NRXN1: variants seen among roughly 807,000 people sequenced by gnomAD.
NRXN1 encodes the protein neurexin 1, also known as neurexin-1.
NRXN1 carries 39 observed loss-of-function variants against 150.9 expected under a neutral mutation model. The ratio of observed to expected loss-of-function variants is 0.26; its 90% confidence interval spans 0.20 to 0.34. The LOEUF (loss-of-function observed/expected upper bound fraction) is 0.34, where lower values mean the gene tolerates loss of function less well. Among genes scored for constraint, NRXN1 ranks in the 10% least tolerant of loss-of-function variants. The probability of loss-of-function intolerance (pLI) is 1.00; values close to 1 mark genes in which losing one functional copy is unlikely to be tolerated. For missense variants in NRXN1, 1,815 were observed against 1,949.9 expected (o/e 0.93, Z 1.30); for synonymous variants, 924 against 757.0 (o/e 1.22, Z -3.62).
intron 17 of NRXN1, among the ~76,000 whole-genome samples, chr2:50,404,017 C>G (rs551800038): frequency 1.3e-5 from 2 of 152,152 alleles, no homozygotes; most frequent in East Asian, 1.9e-4. Context: ...TAAAATAAAC[C>G]AAACTTGGAA....
intron 7 of NRXN1, among the ~76,000 whole-genome samples, chr2:50,620,417 G>T (rs1349073248): frequency 6.6e-6 from 1 of 152,044 alleles, no homozygotes; most frequent in Non-Finnish European, 1.5e-5. Flanking sequence ...ATCTAAACTA[G>T]TTAGAGAGTT....
intron 19 of NRXN1, among the ~76,000 whole-genome samples, chr2:50,064,261 G>C (rs1695006240): frequency 6.6e-6 from 1 of 151,698 alleles, no homozygotes; most frequent in African/African-American, 2.4e-5. Flanking sequence ...AAATGACTCA[G>C]TAACTCTGCT....
intron 5 of NRXN1, among the ~76,000 whole-genome samples, chr2:50,677,198 A>G (rs1459753833): frequency 6.6e-6 from 1 of 152,094 alleles, no homozygotes; most frequent in Non-Finnish European, 1.5e-5. Context: ...AAACACGGAG[A>G]GCAGCCAATT....
At chr2:50,746,904 C>G (rs1299104092) in intron 5 of NRXN1, among the ~76,000 whole-genome samples, 1 of 152,004 alleles carries the variant, frequency 6.6e-6, no homozygotes, top group Non-Finnish European at 1.5e-5. Flanking sequence ...GGGTTGGAAG[C>G]AAATTTTTTT....
At chr2:50,699,444 G>A (rs1186501474) in intron 5 of NRXN1, among the ~76,000 whole-genome samples, 2 of 152,122 alleles carry the variant, frequency 1.3e-5, no homozygotes. Flanking sequence ...CAAAGCAGGA[G>A]CTTTGTTTGG....
chr2:49,992,404 A>AAAACAAAC (rs3046624), intron 21 of NRXN1, among the ~76,000 whole-genome samples: 59,881 of 148,190 alleles, frequency 0.4, 13,032 homozygotes, highest in Non-Finnish European at 0.5. Context: ...AAACACCCCA[A>AAAACAAAC]AAACAAACAA....
At chr2:50,825,429 G>C (rs571934123) in intron 5 of NRXN1, among the ~76,000 whole-genome samples, 1 of 152,252 alleles carries the variant, frequency 6.6e-6, no homozygotes, top group African/African-American at 2.4e-5. Context: ...AAGTAGGTGA[G>C]AAAGGCTGAA....
At chr2:50,429,520 G>C (rs1049403870) in intron 17 of NRXN1, among the ~76,000 whole-genome samples, 2 of 152,170 alleles carry the variant, frequency 1.3e-5, no homozygotes, top group African/African-American at 2.4e-5. Flanking sequence ...GCCTCCCAAA[G>C]TGGTGGGATT....
chr2:49,921,713 TG>T lies in NRXN1; in HGVS notation c.*230del. The stretch of plus-strand genomic sequence containing the variant: ...AGACAAGCAGAGTAAATGAAAACAC[TG>T]TGGATGTTAGGGAATTTATTGGCCC... On this transcript the variant is annotated 3_prime_UTR_variant, in exon 23 of 23. Transcript: ENST00000401669. 1 of 535,846 alleles carries T rather than the reference TG, an allele frequency of 1.9e-6. No individual in the cohort carries two copies. Among genetic ancestry groups the T allele is most frequent in the Admixed American group, 3.5e-5 (1 of 28,914 alleles). 33.2% of individuals were successfully genotyped at this position (535,846 alleles called of 1,614,324 possible).
chr2:50,792,886 G>C (rs1194858391), intron 5 of NRXN1, among the ~76,000 whole-genome samples: 1 of 152,018 alleles, frequency 6.6e-6, no homozygotes, highest in Non-Finnish European at 1.5e-5. Flanking sequence ...CTTATCCAAA[G>C]TAACATAAGC....
intron 5 of NRXN1, among the ~76,000 whole-genome samples, chr2:50,655,337 A>G (rs991826145): frequency 6.6e-6 from 1 of 152,024 alleles, no homozygotes; most frequent in Admixed American, 6.6e-5. Context: ...CCTGCCCTTC[A>G]AAAAACTCTT....
rs528456787 is a variant in NRXN1, at chr2:50,519,652, A to G, written c.2374+8973T>C. On this transcript the variant is annotated intron_variant, in intron 12 of 22. Coordinates refer to ENST00000401669, the MANE Select transcript of NRXN1 (RefSeq NM_001330078.2). Reference sequence around the variant, plus strand: ...TCTTCCTAAGGTAAGATTATGTTAGATTTTCTATTAGTAGGTTACAGTCAA... The same window carrying G: ...TCTTCCTAAGGTAAGATTATGTTAGGTTTTCTATTAGTAGGTTACAGTCAA... Among the ~76,000 whole-genome samples the G allele has an allele frequency of 4.0e-4, 60 of 151,890 alleles. 1 individual carries two copies. Among genetic ancestry groups the G allele is most frequent in the African/African-American group, 1.4e-3 (58 of 41,500 alleles).
chr2:50,576,919 T>C (rs548033459), intron 8 of NRXN1, among the ~76,000 whole-genome samples: 2 of 152,224 alleles, frequency 1.3e-5, no homozygotes, highest in South Asian at 4.1e-4. Context: ...AATTAGTAAA[T>C]ACTGCACCTC....
intron 5 of NRXN1, among the ~76,000 whole-genome samples, chr2:50,749,772 A>C (rs1390551150): frequency 6.6e-6 from 1 of 152,094 alleles, no homozygotes; most frequent in East Asian, 1.9e-4. Flanking sequence ...ATTTGAATCC[A>C]ATATTCCATT....
At chr2:50,357,809 C>G (rs2153006760) in intron 17 of NRXN1, among the ~76,000 whole-genome samples, 1 of 152,314 alleles carries the variant, frequency 6.6e-6, no homozygotes. Context: ...ATAGGAACAG[C>G]TCTGGTCTGC....
intron 18 of NRXN1, among the ~76,000 whole-genome samples, chr2:50,206,658 T>C (rs1473471373): frequency 6.6e-6 from 1 of 152,014 alleles, no homozygotes; most frequent in Non-Finnish European, 1.5e-5. Flanking sequence ...AGGTTGACAA[T>C]CTGAAACAAT....
chr2:50,328,276 G>A (rs1224655328), intron 17 of NRXN1, among the ~76,000 whole-genome samples: 1 of 151,894 alleles, frequency 6.6e-6, no homozygotes, highest in Non-Finnish European at 1.5e-5. Context: ...TGTGGCCCAA[G>A]ACAATTCTTC....
At chr2:49,925,345 T>G (rs905288103) in intron 22 of NRXN1, among the ~76,000 whole-genome samples, 1 of 151,864 alleles carries the variant, frequency 6.6e-6, no homozygotes, top group African/African-American at 2.4e-5. Context: ...CTCCCAGATA[T>G]GCAATAACAG....
chr2:50,293,573 G>A (rs1176474649), intron 17 of NRXN1, among the ~76,000 whole-genome samples: 1 of 152,108 alleles, frequency 6.6e-6, no homozygotes, highest in African/African-American at 2.4e-5. Flanking sequence ...CCCACAGCAG[G>A]GCTACCTTTA....
Sources: gnomAD v4.1 joint callset for allele counts (sites outside exome capture counted in the v4.1 genomes callset) on GRCh38, gnomAD v4.1.1 for gene constraint, MANE v1.5 for transcripts, NCBI Gene and HGNC (gene_info 2026-07-23, HGNC 2026-07-21) for gene names.